The following APOBEC1 variants were observed in gnomAD, a reference collection of about 807,000 sequenced individuals.
The protein encoded by APOBEC1 is apolipoprotein B mRNA editing enzyme catalytic subunit 1.
In APOBEC1, 22 loss-of-function variants were observed where a neutral mutation model predicts 26.3. The observed-to-expected ratio is 0.84, with a 90% confidence interval of 0.60 to 1.19. The LOEUF (loss-of-function observed/expected upper bound fraction) is 1.19, where lower values mean the gene tolerates loss of function less well. Among genes scored for constraint, APOBEC1 ranks in the 50% most tolerant of loss-of-function variants. The pLI is 0.00. For synonymous variants in APOBEC1, 77 were observed against 95.3 expected (o/e 0.81, Z 1.12); for missense variants, 253 against 289.0 (o/e 0.88, Z 0.90).
At chr12:7,654,674 T>C in intron 1 of APOBEC1, 42 bp from the exon 2 acceptor site, 1 of 1,596,782 alleles carries the variant, frequency 6.3e-7, no homozygotes, top group Non-Finnish European at 8.6e-7. Flanking sequence ...CACTCAAATA[T>C]CAAATGAGTT....
chr12:7,659,484 A>G (rs1416694506), intron 1 of APOBEC1, among the ~76,000 whole-genome samples: 1 of 151,390 alleles, frequency 6.6e-6, no homozygotes, highest in South Asian at 2.1e-4. Context: ...ACAATGAGAT[A>G]TTCCTACACA....
Position 7,649,601 on chromosome 12 carries a change from C to A in APOBEC1, c.657G>T (p.Pro219=), listed in dbSNP as rs1031475367. Residue 219 remains proline, a synonymous_variant, in exon 5 of 5, where the codon CCG becomes CCT. Coordinates refer to ENST00000229304, the MANE Select transcript of APOBEC1 (RefSeq NM_001644.5). ...HLQNCHYQTI[P]PHILLATGLI... is the part of the protein sequence containing the mutation. ...GCCCTGTAGCTAAAAGGATGTGTGG[C>A]GGAATCGTTTGGTAATGGCAGTTTT... 3 of 1,613,946 alleles carry A rather than the reference C, an allele frequency of 1.9e-6. No individual in the cohort carries two copies. The highest frequency in any genetic ancestry group is 1.7e-5 in the Admixed American group (1 of 59,996).
intron 1 of APOBEC1, among the ~76,000 whole-genome samples, chr12:7,657,214 G>C (rs562365180): frequency 6.6e-6 from 1 of 152,274 alleles, no homozygotes; most frequent in East Asian, 1.9e-4. Flanking sequence ...CCCTTGAATT[G>C]AGCCTCATGT....
At chr12:7,658,930 G>T (rs1291876118) in intron 1 of APOBEC1, among the ~76,000 whole-genome samples, 1 of 143,162 alleles carries the variant, frequency 7.0e-6, no homozygotes, top group African/African-American at 2.6e-5. Context: ...TCCAGCCTGG[G>T]CAACGAGAGC....
upstream of APOBEC1, among the ~76,000 whole-genome samples, chr12:7,669,508 A>G (rs557320232): frequency 6.6e-6 from 1 of 152,130 alleles, no homozygotes; most frequent in Non-Finnish European, 1.5e-5. Flanking sequence ...CTCTTGGGTA[A>G]ATACCCAAGA....
intron 1 of APOBEC1, among the ~76,000 whole-genome samples, chr12:7,665,630 G>A (rs2136859796): frequency 6.6e-6 from 1 of 152,038 alleles, no homozygotes. Context: ...AACAAACACT[G>A]ATTTGGTTAA....
rs1262074341 is a variant in APOBEC1, at chr12:7,660,391, A to G, written c.16+5466T>C. 2.9e-3 allele frequency among the ~76,000 whole-genome samples: 263 copies of G among 89,502 alleles called. 5 individuals carry two copies. The highest frequency in any genetic ancestry group is 5.2e-3 in the Non-Finnish European group (202 of 38,568). 58.7% of individuals were successfully genotyped at this position (89,502 alleles called of 152,430 possible). On this transcript the variant is annotated intron_variant, in intron 1 of 4. Transcript: ENST00000229304. Reference sequence around the variant, plus strand: ...AGGAAGGAAGGAAAGAAAGAAAGAAAGAAAGAAAGAAAGAAAGAAAGAGAG... The same window carrying G: ...AGGAAGGAAGGAAAGAAAGAAAGAAGGAAAGAAAGAAAGAAAGAAAGAGAG...
At chr12:7,666,635 T>TA (rs758076308), upstream of APOBEC1, among the ~76,000 whole-genome samples, 29 of 152,140 alleles carry the variant, frequency 1.9e-4, no homozygotes, top group African/African-American at 6.5e-4. Flanking sequence ...AGAGGAAAAA[T>TA]AAAGTTAAGA....
intron 1 of APOBEC1, among the ~76,000 whole-genome samples, chr12:7,662,894 G>C (rs1432190867): frequency 1.3e-5 from 2 of 152,132 alleles, no homozygotes; most frequent in Non-Finnish European, 2.9e-5. Context: ...AGCAATGGAG[G>C]GGGTAAGCCA....
chr12:7,652,623 C>CTGG lies in APOBEC1; in HGVS notation c.256_257insCCA (p.Trp86delinsSerArg), dbSNP rs1278590653. 3 of 1,614,172 alleles carry CTGG rather than the reference C, an allele frequency of 1.9e-6. No homozygotes were observed. The highest frequency in any genetic ancestry group is 2.5e-6 in the Non-Finnish European group (3 of 1,180,012). ...CCAGCAGGGACTCCAGGACAAGAAC[C>CTGG]AGGTGATGGAGCAGCTCATGGATGG... On this transcript the variant is annotated protein_altering_variant, in exon 3 of 5. Coordinates refer to ENST00000229304, the MANE Select transcript of APOBEC1 (RefSeq NM_001644.5).
chr12:7,660,386 A>C (rs796077404), intron 1 of APOBEC1, among the ~76,000 whole-genome samples: 96 of 105,048 alleles, frequency 9.1e-4, no homozygotes, highest in Middle Eastern at 9.9e-3. Flanking sequence ...GAAAGAAAGA[A>C]AGAAAGAAAG....
At chr12:7,658,283 C>T (rs999744086) in intron 1 of APOBEC1, among the ~76,000 whole-genome samples, 5 of 152,138 alleles carry the variant, frequency 3.3e-5, no homozygotes, top group Admixed American at 2.6e-4. Flanking sequence ...AGGCTGGTCT[C>T]AAACTCCTGG....
intron 1 of APOBEC1, among the ~76,000 whole-genome samples, chr12:7,658,115 G>T (rs560305012): frequency 5.6e-4 from 86 of 152,260 alleles, no homozygotes; most frequent in Non-Finnish European, 1.0e-3. Flanking sequence ...CCAGGCTGGA[G>T]TCCAGTGGTG....
At chr12:7,667,352 T>C (rs1863905640), upstream of APOBEC1, among the ~76,000 whole-genome samples, 1 of 152,242 alleles carries the variant, frequency 6.6e-6, no homozygotes, top group East Asian at 1.9e-4. Context: ...TGAGGTCACT[T>C]TTTCAAGGCC....
chr12:7,659,765 C>T (rs1261288062), intron 1 of APOBEC1, among the ~76,000 whole-genome samples: 20 of 152,024 alleles, frequency 1.3e-4, no homozygotes, highest in African/African-American at 7.2e-5. Flanking sequence ...GTCAGGAGAT[C>T]GAGACCATCC....
intron 1 of APOBEC1, among the ~76,000 whole-genome samples, chr12:7,660,649 G>A (rs1282903658): frequency 7.0e-6 from 1 of 142,332 alleles, no homozygotes; most frequent in Non-Finnish European, 1.5e-5. Flanking sequence ...CTTGCAGTGA[G>A]CCAAGAATGT....
chr12:7,660,363 G>GAAAGAAAAAGAAA (rs1565442332), intron 1 of APOBEC1, among the ~76,000 whole-genome samples: 1 of 6,906 alleles, frequency 1.4e-4, no homozygotes, highest in African/African-American at 2.6e-4. Context: ...AAGGAAGGAA[G>GAAAGAAAAAGAAA]GAAGGAAGGA....
chr12:7,650,938 GATATGAGT>G, intron 4 of APOBEC1, 77 bp downstream of exon 4: 1 of 937,052 alleles, frequency 1.1e-6, no homozygotes, highest in Non-Finnish European at 1.7e-6. Flanking sequence ...TCAAAAAGAA[GATATGAGT>G]CAAATTTTCT....
chr12:7,650,646 CT>C (rs1863624500), intron 4 of APOBEC1, among the ~76,000 whole-genome samples: 1 of 152,106 alleles, frequency 6.6e-6, no homozygotes, highest in Non-Finnish European at 1.5e-5. Context: ...GTTGGCCAGG[CT>C]GGTCTCAGAC....
Sources: allele counts gnomAD v4.1 joint callset (sites outside exome capture counted in the v4.1 genomes callset), GRCh38; gene constraint gnomAD v4.1.1; transcripts MANE v1.5; gene names NCBI Gene and HGNC (gene_info 2026-07-23, HGNC 2026-07-21).